CES3: variants seen among roughly 807,000 people sequenced by gnomAD.
The protein encoded by CES3 is carboxylesterase 3 (brain).
Under a neutral mutation model 57.6 loss-of-function variants are expected in CES3, and 49 were observed. The ratio of observed to expected loss-of-function variants is 0.85; its 90% CI spans 0.68 to 1.08. CES3 has a LOEUF of 1.08. CES3 is among the 50% of genes least tolerant of loss of function. The probability of loss-of-function intolerance (pLI) is 0.00; values close to 1 mark genes in which losing one functional copy is unlikely to be tolerated. For missense variants in CES3, 645 were observed against 742.0 expected (o/e 0.87, Z 1.52); for synonymous variants, 266 against 281.6 (o/e 0.94, Z 0.55).
At chr16:66,965,759 T>G (rs1476717147) in intron 6 of CES3, among the ~76,000 whole-genome samples, 1 of 151,976 alleles carries the variant, frequency 6.6e-6, no homozygotes, top group Non-Finnish European at 1.5e-5. Context: ...GCTAACATGG[T>G]GAAACCCCAT....
At position 66,972,888 on chromosome 16, in the gene CES3, C is replaced by T. The variant is rs1963864965; in HGVS notation, c.1555C>T (p.Gln519Ter). The part of the protein sequence containing the change: ...PNSKALPPWP[Q>*]FNQAEQYLEI... The stretch of plus-strand genomic sequence containing the variant: ...TAGCAAGGCTCTGCCTCCTTGGCCC[C>T]AATTCAACCAGGCGGAACAATATCT... Residue 519 changes from glutamine (Q) to a stop codon, truncating the protein, a stop_gained, in exon 13 of 13, where the codon CAA (glutamine) becomes TAA (stop). Coordinates refer to ENST00000303334, the MANE Select transcript of CES3 (RefSeq NM_024922.6). LOFTEE classifies it low-confidence loss of function (END_TRUNC). 3 of 1,614,172 alleles carry T rather than the reference C, an allele frequency of 1.9e-6. No individual in the cohort carries two copies. The East Asian group carries it at 6.7e-5, about 36-fold the overall frequency.
rs567895920 is a variant in CES3, at chr16:66,967,490, A to G, written c.1062+625A>G. The G allele has an allele frequency of 3.4e-4, 337 of 985,632 alleles. No homozygotes were observed. In the African/African-American group the frequency reaches 5.6e-3, roughly 16 times the overall value. The allele number at this position is 985,632 out of a possible 1,614,324, so 61.1% of individuals were successfully genotyped here. A position where few individuals can be genotyped will look rare whatever the true frequency, so the allele number is the denominator to read the frequency against. On this transcript the variant is annotated intron_variant, in intron 8 of 12. Coordinates refer to ENST00000303334, the MANE Select transcript of CES3 (RefSeq NM_024922.6). ...AGACTGGTTAGTGTGACTCTGTGCCAGAGCAATTGACTAAAACTCTCAGGT... is the reference window on the plus strand; with the variant it reads ...AGACTGGTTAGTGTGACTCTGTGCCGGAGCAATTGACTAAAACTCTCAGGT...
At position 66,966,835 on chromosome 16, in the gene CES3, C is replaced by T. The variant is rs756084085; in HGVS notation, c.1032C>T (p.Asn344=). ...CTGTGCCCTTCCTCATGGGTGTCAA[C>T]AACCATGAGTTCAGCTGGCTCATCC... ...FHSVPFLMGV[N]NHEFSWLIPR... The change falls in exon 8 of 13, where the codon AAC becomes AAT. Residue 344 remains asparagine, a synonymous_variant. Transcript: ENST00000303334. The T allele has an allele frequency of 2.5e-6, 4 of 1,614,036 alleles. No individual in the cohort carries two copies. The highest frequency in any genetic ancestry group is 2.7e-5 in the African/African-American group (2 of 74,922).
At chr16:66,971,456 C>G in intron 10 of CES3, 137 bp downstream of exon 10, 1 of 800,254 alleles carries the variant, frequency 1.2e-6, no homozygotes, top group Non-Finnish European at 2.0e-6. Flanking sequence ...CCCACCAAAC[C>G]TATCTTTCTC....
chr16:66,967,391 C>A, intron 8 of CES3: 1 of 539,226 alleles, frequency 1.9e-6, no homozygotes, highest in Non-Finnish European at 2.4e-6. Context: ...TTTGCACAAA[C>A]TGGCCTTCTG....
At chr16:66,969,864 C>G in intron 9 of CES3, 105 bp downstream of exon 9, 1 of 921,564 alleles carries the variant, frequency 1.1e-6, no homozygotes, top group South Asian at 1.5e-5. Context: ...ACACCCACAG[C>G]TACCCACCTA....
rs754679451 is a variant in CES3, at chr16:66,964,743, CCT to C, written c.819+21_819+22del. The C allele has an allele frequency of 5.6e-6, 9 of 1,604,850 alleles. No homozygotes were observed. The highest frequency in any genetic ancestry group is 6.8e-6 in the Non-Finnish European group (8 of 1,172,390). On this transcript the variant is annotated intron_variant, in intron 6 of 12. Coordinates refer to ENST00000303334, the MANE Select transcript of CES3 (RefSeq NM_024922.6). ...CCTAGCTCAGGTCTGTATTTCCTTC[CCT>C]CTCTTACTCTATGTGTGCCTCCCAT...
Position 66,963,518 on chromosome 16 carries a change from C to G in CES3, c.315C>G (p.Asn105Lys), listed in dbSNP as rs1167024708. Reference sequence around the variant, plus strand: ...GCCTACAAGACGTGGAGAGCATGAACAGCAGCAGATTTGTCCTCAACGGAA... The same window carrying G: ...GCCTACAAGACGTGGAGAGCATGAAGAGCAGCAGATTTGTCCTCAACGGAA... Reference protein sequence around the residue: ...PMCLQDVESMNSSRFVLNGKQ... With the variant: ...PMCLQDVESMKSSRFVLNGKQ... Residue 105 changes from asparagine (N) to lysine (K), a missense_variant, in exon 3 of 13, where the codon AAC (asparagine) becomes AAG (lysine). Asn to Lys is a moderately conservative substitution (Grantham distance 94, BLOSUM62 0). Coordinates refer to ENST00000303334, the MANE Select transcript of CES3 (RefSeq NM_024922.6). The surrounding 1 kb of genome is among the most constrained non-coding windows in gnomAD (Gnocchi z 4.9). The G allele has an allele frequency of 1.2e-6, 2 of 1,613,984 alleles. No individual in the cohort carries two copies. The highest frequency in any genetic ancestry group is 1.3e-5 in the African/African-American group (1 of 74,928).
At chr16:66,964,312 C>T (rs756494681) in intron 4 of CES3, 45 bp from the exon 5 acceptor site, 114 of 1,598,098 alleles carry the variant, frequency 7.1e-5, no homozygotes, top group Non-Finnish European at 7.3e-5. Flanking sequence ...CAGAGGCTGG[C>T]GAGGAGCCAG....
At chr16:66,972,614 C>A (rs1963857443) in intron 11 of CES3, 54 bp from the exon 12 acceptor site, 1 of 1,612,960 alleles carries the variant, frequency 6.2e-7, no homozygotes, top group Admixed American at 1.7e-5. Flanking sequence ...ATCCTTGGGT[C>A]CCTTCCAGGT....
At chr16:66,967,683 T>C (rs1188490698) in intron 8 of CES3, 1 of 985,120 alleles carries the variant, frequency 1.0e-6, no homozygotes, top group Non-Finnish European at 1.2e-6. Context: ...TTCTTCACTT[T>C]TCTTTTTTTT....
chr16:66,962,055 A>G (rs552269163), intron 1 of CES3, among the ~76,000 whole-genome samples: 112 of 152,294 alleles, frequency 7.4e-4, no homozygotes, highest in African/African-American at 2.6e-3. Context: ...GAGCAGGGGG[A>G]AAATGTGGGC....
chr16:66,963,903 C>T lies in CES3; in HGVS notation c.528C>T (p.Val176=). Residue 176 remains valine, a synonymous_variant, in exon 4 of 13, where the codon GTC becomes GTT. Coordinates refer to ENST00000303334, the MANE Select transcript of CES3 (RefSeq NM_024922.6). This position sits in a 1 kb window ranked among gnomAD's most constrained non-coding sequence, Gnocchi z 4.9. ...ATGGGGATGTGGTCGTGGTTACAGT[C>T]CAGTACCGCCTTGGGGTCCTTGGCT... is the stretch of plus-strand genomic sequence containing the variant. ...AAYGDVVVVT[V]QYRLGVLGFF... is the part of the protein sequence containing the mutation. 1 of 1,614,058 alleles carries T rather than the reference C, an allele frequency of 6.2e-7. No individual in the cohort carries two copies. Among genetic ancestry groups the T allele is most frequent in the Non-Finnish European group, 8.5e-7 (1 of 1,179,904 alleles).
chr16:66,963,287 C>T lies in CES3; in HGVS notation c.191C>T (p.Pro64Leu). 1 of 1,613,610 alleles carries T rather than the reference C, an allele frequency of 6.2e-7. No individual in the cohort carries two copies. Among genetic ancestry groups the T allele is most frequent in the Non-Finnish European group, 8.5e-7 (1 of 1,180,034 alleles). The change falls in exon 2 of 13, where the codon CCA (proline) becomes CTA (leucine). Residue 64 changes from proline to leucine, a missense_variant. Transcript: ENST00000303334. This position sits in a 1 kb window ranked among gnomAD's most constrained non-coding sequence, Gnocchi z 4.9. ...DRLVNVFLGI[P>L]FAQPPLGPDR... ...CTTGTGAATGTCTTTCTGGGCATTCCATTTGCCCAGCCGCCACTGGGCCCT... is the reference window on the plus strand; with the variant it reads ...CTTGTGAATGTCTTTCTGGGCATTCTATTTGCCCAGCCGCCACTGGGCCCT...
rs1226541236 is a variant in CES3 at position 66,966,580 on chromosome 16, C to T, written c.922-145C>T. On this transcript the variant is annotated intron_variant, in intron 7 of 12. Transcript: ENST00000303334. Reference sequence around the variant, plus strand: ...TGTTGCCCTGATCTCCTGGTTCCCCCGACCCCCTTAACCCTGGTGATCTTC... The same window carrying T: ...TGTTGCCCTGATCTCCTGGTTCCCCTGACCCCCTTAACCCTGGTGATCTTC... 6.6e-5 allele frequency: 72 copies of T among 1,082,708 alleles called. No individual in the cohort carries two copies. The South Asian group carries it at 6.8e-4, about 10-fold the overall frequency. The allele number at this position is 1,082,708 out of a possible 1,614,324, so 67.1% of individuals were successfully genotyped here.
At chr16:66,965,523 C>T (rs185221471) in intron 6 of CES3, among the ~76,000 whole-genome samples, 14 of 152,164 alleles carry the variant, frequency 9.2e-5, no homozygotes, top group Non-Finnish European at 1.6e-4. Context: ...GCATTTTAAC[C>T]ACTGTGTACA....
At chr16:66,972,185 C>T (rs1470882695) in intron 10 of CES3, among the ~76,000 whole-genome samples, 171 bp from the exon 11 acceptor site, 3 of 152,160 alleles carry the variant, frequency 2.0e-5, no homozygotes, top group African/African-American at 7.2e-5. Context: ...ACAAAGCACA[C>T]AGAATGGTGC....
At chr16:66,972,325 G>T in intron 10 of CES3, 31 bp from the exon 11 acceptor site, 1 of 1,546,220 alleles carries the variant, frequency 6.5e-7, no homozygotes, top group African/African-American at 1.4e-5. Context: ...GGCCATGAGT[G>T]CCTAACTCCC....
intron 8 of CES3, 46 bp from the exon 9 acceptor site, chr16:66,969,633 G>A (rs753958739): frequency 3.8e-6 from 6 of 1,577,340 alleles, no homozygotes; most frequent in Admixed American, 3.4e-5. Flanking sequence ...GAGTCGGGGT[G>A]AGCCGGTGGT....
Sources: gnomAD v4.1 joint callset for allele counts (sites outside exome capture counted in the v4.1 genomes callset) on GRCh38, gnomAD v4.1.1 for gene constraint, Gnocchi (gnomAD v3.1) non-coding constraint, MANE v1.5 for transcripts, NCBI Gene and HGNC (gene_info 2026-07-23, HGNC 2026-07-21) for gene names.